CA5A: variants seen among roughly 807,000 people sequenced by gnomAD.
CA5A encodes the protein carbonic anhydrase 5A, mitochondrial.
In CA5A, 28 loss-of-function variants were observed where a neutral mutation model predicts 37.1. The ratio of observed to expected loss-of-function variants is 0.75; its 90% CI spans 0.56 to 1.03. The LOEUF (loss-of-function observed/expected upper bound fraction) is 1.03, where lower values mean the gene tolerates loss of function less well. Among genes scored for constraint, CA5A ranks in the 50% least tolerant of loss-of-function variants. The pLI is 0.00. For synonymous variants in CA5A, 171 were observed against 158.4 expected, an observed-to-expected ratio of 1.08 and a Z score of -0.60; for missense variants, 444 against 399.9, an observed-to-expected ratio of 1.11 and a Z score of -0.94.
rs60201296 is a variant in CA5A at position 87,908,989 on chromosome 16, A to ATTTTTTTT, written c.341-4093_341-4086dup. Among the ~76,000 whole-genome samples, 496 of 139,310 alleles carry ATTTTTTTT rather than the reference A, an allele frequency of 3.6e-3. 6 individuals carry two copies. Among genetic ancestry groups the ATTTTTTTT allele is most frequent in the African/African-American group, 0.013 (470 of 37,038 alleles). 91.4% of individuals were successfully genotyped at this position (139,310 alleles called of 152,430 possible). ...CAGGTGCGCACCACCACACCCGGCT[A>ATTTTTTTT]TTTTTTTTTTTTTTTGTATTTTTAG... On this transcript the variant is annotated intron_variant, in intron 2 of 6. Coordinates refer to ENST00000649794, the MANE Select transcript of CA5A (RefSeq NM_001739.2).
At chr16:87,896,385 T>C (rs1206513587) in intron 5 of CA5A, among the ~76,000 whole-genome samples, 1 of 152,208 alleles carries the variant, frequency 6.6e-6, no homozygotes, top group African/African-American at 2.4e-5. Context: ...GTCCTGTCTC[T>C]AAGATGCATG....
rs1264925358 is a variant in CA5A at position 87,911,505 on chromosome 16, A to G, written c.341-6601T>C. Among the ~76,000 whole-genome samples the G allele has an allele frequency of 1.3e-5, 2 of 152,190 alleles. No homozygotes were observed. The highest frequency in any genetic ancestry group is 3.8e-4 in the East Asian group (2 of 5,204). ...AAAATTAGTACACGAGAAGTTTGAGATGTTCTAATTACTGGAAATTTCAAA... is the reference window on the plus strand; with the variant it reads ...AAAATTAGTACACGAGAAGTTTGAGGTGTTCTAATTACTGGAAATTTCAAA... On this transcript the variant is annotated intron_variant, in intron 2 of 6. Transcript: ENST00000649794. The surrounding 1 kb of genome is among the most constrained non-coding windows in gnomAD (Gnocchi z 4.6).
intron 5 of CA5A, among the ~76,000 whole-genome samples, chr16:87,892,510 AAATAATAATAATAATAATAAT>A (rs371000298): frequency 0.13 from 17,473 of 135,214 alleles, 1,814 homozygotes; most frequent in African/African-American, 0.29. Flanking sequence ...ACTCTGTCTC[AAATAATAATAATAATAATAAT>A]AATAATAATA....
intron 2 of CA5A, among the ~76,000 whole-genome samples, chr16:87,924,801 C>T (rs1003601153): frequency 6.6e-6 from 1 of 152,204 alleles, no homozygotes; most frequent in African/African-American, 2.4e-5. Flanking sequence ...TTGTTGGTCC[C>T]GCTTGGATAA....
Position 87,892,673 on chromosome 16 carries a change from C to CT in CA5A, c.619-720dup, listed in dbSNP as rs368479550. On this transcript the variant is annotated intron_variant, in intron 5 of 6. Transcript: ENST00000649794. ...ATAACATAAAATTTACCATCTTAAC[C>CT]TTTTTTTTTTTTTTTTCGAGATGGA... 1.0e-3 allele frequency among the ~76,000 whole-genome samples: 131 copies of CT among 129,188 alleles called. 1 individual carries two copies. Among genetic ancestry groups the CT allele is most frequent in the East Asian group, 4.1e-3 (19 of 4,628 alleles). 84.8% of individuals were successfully genotyped at this position (129,188 alleles called of 152,430 possible).
rs553928413 is a variant in CA5A, at chr16:87,891,947, C to T, written c.626G>A (p.Arg209Gln). The T allele has an allele frequency of 3.4e-5, 52 of 1,538,434 alleles. No individual in the cohort carries two copies. The highest frequency in any genetic ancestry group is 1.3e-4 in the East Asian group (5 of 39,302). Residue 209 changes from arginine to glutamine, a missense_variant, in exon 6 of 7, where the codon CGG becomes CAG. Arg to Gln is a conservative substitution (Grantham distance 43). Transcript: ENST00000649794. ...ILPEIKHKDA[R>Q]AAMRPFDPST... ...GGGGTCGAAGGGGCGCATGGCCGCC[C>T]GCGCGTCCTGAGAGACCGAGAAGCA...
In CA5A at chr16:87,917,585, C is replaced by T. The variant is rs115682989; in HGVS notation, c.340+9163G>A. Among the ~76,000 whole-genome samples, 768 of 152,340 alleles carry T rather than the reference C, an allele frequency of 5.0e-3. 5 individuals are homozygous for T. Among genetic ancestry groups the T allele is most frequent in the African/African-American group, 0.017 (708 of 41,574 alleles). ...CATACAGAATGGAGATGGAAACACACGTGTGCACACATGCACACACCACAC... is the reference window on the plus strand; with the variant it reads ...CATACAGAATGGAGATGGAAACACATGTGTGCACACATGCACACACCACAC... On this transcript the variant is annotated intron_variant, in intron 2 of 6. Transcript: ENST00000649794.
At chr16:87,923,761 T>C (rs2056262687) in intron 2 of CA5A, 1 of 985,228 alleles carries the variant, frequency 1.0e-6, no homozygotes. Context: ...AAATCAGTTA[T>C]TAAAATATCA....
intron 2 of CA5A, among the ~76,000 whole-genome samples, chr16:87,918,711 G>T (rs1401433588): frequency 6.6e-6 from 1 of 152,172 alleles, no homozygotes; most frequent in Non-Finnish European, 1.5e-5. Context: ...TCCATGCAGG[G>T]TTTGCTGTGT....
At chr16:87,921,207 G>A (rs1200711843) in intron 2 of CA5A, among the ~76,000 whole-genome samples, 2 of 152,168 alleles carry the variant, frequency 1.3e-5, no homozygotes, top group East Asian at 3.9e-4. Flanking sequence ...GGGATTACAG[G>A]CATGACCACC....
chr16:87,897,645 G>C (rs1268668833), intron 5 of CA5A, among the ~76,000 whole-genome samples: 1 of 152,216 alleles, frequency 6.6e-6, no homozygotes, highest in African/African-American at 2.4e-5. Flanking sequence ...GCTCAGCCTG[G>C]GTTCTGACTG....
intron 2 of CA5A, among the ~76,000 whole-genome samples, chr16:87,926,065 A>T (rs948908708): frequency 6.6e-6 from 1 of 152,172 alleles, no homozygotes; most frequent in East Asian, 1.9e-4. Context: ...TCTGCTAAAA[A>T]TACAAAAATT....
chr16:87,892,235 C>A (rs549622346), intron 5 of CA5A: 9 of 280,930 alleles, frequency 3.2e-5, no homozygotes, highest in East Asian at 1.5e-4. Flanking sequence ...TTTCTTGGGG[C>A]GCAGTAGCTC....
chr16:87,892,932 C>G, intron 5 of CA5A: 1 of 706,956 alleles, frequency 1.4e-6, no homozygotes, highest in Non-Finnish European at 2.4e-6. Context: ...CTGGGGTGAG[C>G]CACTGTGCCC....
At chr16:87,895,381 A>T (rs916931577) in intron 5 of CA5A, among the ~76,000 whole-genome samples, 2 of 152,086 alleles carry the variant, frequency 1.3e-5, no homozygotes, top group African/African-American at 4.8e-5. Context: ...CCATGTCTCT[A>T]CTAAAAATAC....
At chr16:87,916,590 CT>C (rs2056146356) in intron 2 of CA5A, among the ~76,000 whole-genome samples, 2 of 152,206 alleles carry the variant, frequency 1.3e-5, no homozygotes, top group African/African-American at 4.8e-5. Flanking sequence ...AAACCATCTT[CT>C]TTCTTATGTA....
intron 5 of CA5A, chr16:87,893,519 C>G (rs1019342554): frequency 8.9e-6 from 5 of 562,396 alleles, no homozygotes; most frequent in African/African-American, 7.6e-5. Flanking sequence ...GTGCCTGCCA[C>G]CCTATGCTGC....
chr16:87,913,285 C>A (rs567365793), intron 2 of CA5A, among the ~76,000 whole-genome samples: 2 of 148,230 alleles, frequency 1.3e-5, no homozygotes, highest in African/African-American at 5.1e-5. Flanking sequence ...GGCCCATCAA[C>A]AGGTTTTGAA....
At chr16:87,890,792 T>A (rs1180964651) in intron 6 of CA5A, among the ~76,000 whole-genome samples, 6 of 151,858 alleles carry the variant, frequency 4.0e-5, no homozygotes, top group African/African-American at 7.3e-5. Context: ...ATTTTTGTAT[T>A]TTTATTTATT....
Sources: allele counts gnomAD v4.1 joint callset (sites outside exome capture counted in the v4.1 genomes callset), GRCh38; gene constraint gnomAD v4.1.1; non-coding constraint Gnocchi (gnomAD v3.1); transcripts MANE v1.5; gene names NCBI Gene and HGNC (gene_info 2026-07-23, HGNC 2026-07-21).